ECD: variants seen among roughly 807,000 people sequenced by gnomAD.
The protein encoded by ECD is ecdysoneless cell cycle regulator, also known as protein ecdysoneless homolog.
A neutral mutation model predicts 77.2 loss-of-function variants in ECD; 59 were observed. The ratio of observed to expected loss-of-function variants is 0.76; its 90% CI spans 0.62 to 0.95. ECD has a LOEUF of 0.95. Ranked by LOEUF, ECD falls within the 40% of genes least tolerant of loss-of-function variation. The pLI, the probability that ECD is intolerant of heterozygous loss-of-function variation, is 0.00. For missense variants in ECD, 704 were observed against 763.4 expected (o/e 0.92, Z 0.92); for synonymous variants, 233 against 267.4 (o/e 0.87, Z 1.26).
Position 73,139,498 on chromosome 10 carries a change from GA to G in ECD, c.1235-4del. 3.1e-6 allele frequency: 5 copies of G among 1,611,218 alleles called. No homozygotes were observed. The highest frequency in any genetic ancestry group is 4.2e-6 in the Non-Finnish European group (5 of 1,179,158). ...TGAGAGATCTAACCACTGGTCATCT[GA>G]AAAAGAAGAAAGCATAATACTGCCA... On this transcript the variant is annotated splice_polypyrimidine_tract_variant and splice_region_variant and intron_variant, in intron 10 of 13. Transcript: ENST00000372979.
intron 9 of ECD, among the ~76,000 whole-genome samples, chr10:73,142,956 C>A (rs1326202549): frequency 6.6e-6 from 1 of 152,086 alleles, no homozygotes; most frequent in Non-Finnish European, 1.5e-5. Context: ...TACCCCTCTA[C>A]CCCACACACT....
In ECD at chr10:73,146,286, A is replaced by C; in HGVS notation, c.1117T>G (p.Trp373Gly). The change falls in exon 9 of 14, where the codon TGG (tryptophan) becomes GGG (glycine). Residue 373 changes from tryptophan (W) to glycine (G), a missense_variant. Physicochemically the swap from Trp to Gly is radical, Grantham distance 184. Around this residue, in one of 3 missense-constraint regions of ECD, gnomAD observed 559 missense variants for 583.7 expected, o/e 0.96. Transcript: ENST00000372979. Reference sequence around the variant, plus strand: ...TTAACAATAACTCACCTTTCTGGCCAGTCTACTGAGAGCTGGAAGTAATTC... The same window carrying C: ...TTAACAATAACTCACCTTTCTGGCCCGTCTACTGAGAGCTGGAAGTAATTC... ...AENYFQLSVD[W>G]PESSLAMSPG... 13 of 1,602,400 alleles carry C rather than the reference A, an allele frequency of 8.1e-6. No individual in the cohort carries two copies. The highest frequency in any genetic ancestry group is 1.1e-5 in the Non-Finnish European group (13 of 1,171,962).
chr10:73,161,284 G>T (rs1277885242), intron 2 of ECD, among the ~76,000 whole-genome samples: 1 of 151,704 alleles, frequency 6.6e-6, no homozygotes, highest in Non-Finnish European at 1.5e-5. Flanking sequence ...GCTGAGTTGG[G>T]TTTTTTTTAA....
intron 7 of ECD, among the ~76,000 whole-genome samples, chr10:73,148,957 G>A (rs1589116752): frequency 6.6e-6 from 1 of 152,156 alleles, no homozygotes; most frequent in South Asian, 2.1e-4. Context: ...TATTATGTGT[G>A]TGCCTCTCTG....
At chr10:73,141,142 T>C (rs1843050824) in intron 9 of ECD, among the ~76,000 whole-genome samples, 1 of 151,858 alleles carries the variant, frequency 6.6e-6, no homozygotes, top group African/African-American at 2.4e-5. Flanking sequence ...AAAGTCTGTA[T>C]TACCCAGGAG....
chr10:73,146,213 T>A, intron 9 of ECD, 63 bp downstream of exon 9: 1 of 778,806 alleles, frequency 1.3e-6, no homozygotes, highest in Non-Finnish European at 1.8e-6. Flanking sequence ...AAATAATAAA[T>A]AAAAAATAAA....
intron 13 of ECD, among the ~76,000 whole-genome samples, chr10:73,135,379 T>C (rs915499645): frequency 2.6e-5 from 4 of 152,112 alleles, no homozygotes; most frequent in African/African-American, 9.7e-5. Flanking sequence ...ACCCAAAGCA[T>C]TGTCCATGGA....
chr10:73,135,332 G>T (rs950461266), intron 13 of ECD, among the ~76,000 whole-genome samples: 3 of 152,152 alleles, frequency 2.0e-5, no homozygotes, highest in African/African-American at 4.8e-5. Context: ...GAAAGGATTT[G>T]AAAGATTACA....
At chr10:73,149,823 A>T (rs546735304) in intron 7 of ECD, among the ~76,000 whole-genome samples, 1 of 152,292 alleles carries the variant, frequency 6.6e-6, no homozygotes, top group African/African-American at 2.4e-5. Context: ...AATGTCTGAG[A>T]ATGTTTTTCT....
chr10:73,155,672 C>T (rs1045536150), intron 5 of ECD, among the ~76,000 whole-genome samples: 8 of 147,978 alleles, frequency 5.4e-5, no homozygotes, highest in Non-Finnish European at 7.4e-5. Flanking sequence ...GATCTCAGCT[C>T]ACTGCAACCT....
At position 73,146,571 on chromosome 10, in the gene ECD, T is replaced by C. The variant is rs551086086; in HGVS notation, c.1042-210A>G. On this transcript the variant is annotated intron_variant, in intron 8 of 13. Transcript: ENST00000372979. Reference sequence around the variant, plus strand: ...CGCGGCTAGATGTAGTGATTCCTAATCTTTTCCACCATTAAGGGCCTATTT... The same window carrying C: ...CGCGGCTAGATGTAGTGATTCCTAACCTTTTCCACCATTAAGGGCCTATTT... Among the ~76,000 whole-genome samples, 8 of 152,360 alleles carry C rather than the reference T, an allele frequency of 5.3e-5. No homozygotes were observed. In the East Asian group the frequency reaches 1.2e-3, roughly 22 times the overall value.
In ECD at chr10:73,156,275, C is replaced by G. The variant is rs377467640; in HGVS notation, c.590G>C (p.Gly197Ala). 1.8e-5 allele frequency: 28 copies of G among 1,570,474 alleles called. No homozygotes were observed. The highest frequency in any genetic ancestry group is 2.4e-5 in the Non-Finnish European group (28 of 1,162,330). The change falls in exon 5 of 14, where the codon GGG becomes GCG. Residue 197 changes from glycine to alanine, a missense_variant and splice_region_variant. Transcript: ENST00000372979. ...GCAATGAAAGTGATATTTTTCTTAC[C>G]CTCTGATGCGCCTATTCACAGCAGC... ...IRAAVNRRIR[G>A]YPEKIQASLH...
intron 1 of ECD, among the ~76,000 whole-genome samples, chr10:73,166,680 T>C (rs1213452333): frequency 6.6e-6 from 1 of 152,220 alleles, no homozygotes; most frequent in East Asian, 1.9e-4. Flanking sequence ...TCCTAGAGAG[T>C]TGTTTGAACT....
Position 73,160,432 on chromosome 10 carries a change from A to G in ECD, c.323+2T>C. 1 of 1,574,534 alleles carries G rather than the reference A, an allele frequency of 6.4e-7. No individual in the cohort carries two copies. The highest frequency in any genetic ancestry group is 8.6e-7 in the Non-Finnish European group (1 of 1,157,498). ...TTAGAATAATTAAAATAACTACAAT[A>G]CCTTGCTACTAACTCTGGAAATTCC... On this transcript the variant is annotated splice_donor_variant, in intron 3 of 13. Coordinates refer to ENST00000372979, the MANE Select transcript of ECD (RefSeq NM_007265.3). LOFTEE classifies it high-confidence loss of function.
intron 12 of ECD, among the ~76,000 whole-genome samples, chr10:73,137,127 G>A (rs548219015): frequency 1.1e-4 from 16 of 151,430 alleles, no homozygotes; most frequent in South Asian, 2.1e-4. Flanking sequence ...GTGGAAAAGC[G>A]TACAAGCTGA....
intron 8 of ECD, 134 bp from the exon 9 acceptor site, chr10:73,146,495 GT>G: frequency 2.2e-6 from 1 of 450,260 alleles, no homozygotes; most frequent in Non-Finnish European, 3.9e-6. Flanking sequence ...CCTAGGCCCT[GT>G]TTTATCATTA....
At chr10:73,151,357 T>C (rs1220830568) in intron 7 of ECD, among the ~76,000 whole-genome samples, 3 of 115,428 alleles carry the variant, frequency 2.6e-5, no homozygotes, top group Non-Finnish European at 4.9e-5. Context: ...AAGGCGAACA[T>C]CACACACCGG....
chr10:73,140,850 GTA>G (rs1843047484), intron 9 of ECD, among the ~76,000 whole-genome samples: 1 of 150,736 alleles, frequency 6.6e-6, no homozygotes. Context: ...CTCTATATAT[GTA>G]TATATATGTA....
chr10:73,147,275 C>T (rs1055116360), intron 8 of ECD, among the ~76,000 whole-genome samples: 2 of 152,060 alleles, frequency 1.3e-5, no homozygotes, highest in South Asian at 2.1e-4. Flanking sequence ...TAGCTGGGCA[C>T]GGTGGCTCAC....
Sources: allele counts gnomAD v4.1 joint callset (sites outside exome capture counted in the v4.1 genomes callset), GRCh38; gene constraint gnomAD v4.1.1; regional missense constraint gnomAD v4.1.1; transcripts MANE v1.5; gene names NCBI Gene and HGNC (gene_info 2026-07-23, HGNC 2026-07-21).